The following NOVA1 variants were observed in gnomAD, a reference collection of about 807,000 sequenced individuals.
NOVA1 encodes the protein RNA-binding protein Nova-1.
In NOVA1, 7 loss-of-function variants were observed where a neutral mutation model predicts 38.0. The ratio of observed to expected loss-of-function variants is 0.18; its 90% confidence interval spans 0.10 to 0.35. NOVA1 has a LOEUF of 0.35. Ranked by LOEUF, NOVA1 falls within the 10% of genes least tolerant of loss-of-function variation. The pLI is 1.00. For synonymous variants in NOVA1, 270 were observed against 232.5 expected (o/e 1.16, Z -1.47); for missense variants, 460 against 616.0 (o/e 0.75, Z 2.68).
chr14:26,535,398 G>C (rs1889993375), intron 2 of NOVA1, among the ~76,000 whole-genome samples: 1 of 152,088 alleles, frequency 6.6e-6, no homozygotes. Context: ...TAGAGAAAAA[G>C]AAATGTAGCA....
chr14:26,503,355 G>C (rs969874252), intron 2 of NOVA1, among the ~76,000 whole-genome samples: 1 of 151,970 alleles, frequency 6.6e-6, no homozygotes. Flanking sequence ...GAAAGCCAAA[G>C]GAAGTGGAAG....
chr14:26,464,082 G>A (rs1369450996), intron 4 of NOVA1, among the ~76,000 whole-genome samples: 1 of 152,102 alleles, frequency 6.6e-6, no homozygotes, highest in Non-Finnish European at 1.5e-5. Flanking sequence ...AGATTTGATT[G>A]GAAGCCAGGT....
intron 4 of NOVA1, among the ~76,000 whole-genome samples, chr14:26,458,196 A>T (rs1883339652): frequency 6.6e-6 from 1 of 152,090 alleles, no homozygotes; most frequent in African/African-American, 2.4e-5. Flanking sequence ...GAGAGGTTAC[A>T]GAGAAAAGGG....
At chr14:26,565,247 T>C (rs1332741143) in intron 2 of NOVA1, among the ~76,000 whole-genome samples, 1 of 152,178 alleles carries the variant, frequency 6.6e-6, no homozygotes, top group South Asian at 2.1e-4. Flanking sequence ...TTACCCTTTT[T>C]GAAATACAGG....
intron 2 of NOVA1, among the ~76,000 whole-genome samples, chr14:26,589,539 G>A (rs1450992532): frequency 2.6e-5 from 4 of 151,716 alleles, no homozygotes; most frequent in African/African-American, 9.7e-5. Flanking sequence ...ACTCTGCAAA[G>A]TGTACTTGCC....
intron 2 of NOVA1, among the ~76,000 whole-genome samples, chr14:26,532,021 TAA>T (rs1889752425): frequency 6.6e-6 from 1 of 152,134 alleles, no homozygotes; most frequent in Non-Finnish European, 1.5e-5. Flanking sequence ...TTACAATGGC[TAA>T]AATTTTAAAA....
At chr14:26,493,065 C>A (rs1886475551) in intron 2 of NOVA1, among the ~76,000 whole-genome samples, 1 of 152,168 alleles carries the variant, frequency 6.6e-6, no homozygotes, top group Non-Finnish European at 1.5e-5. Context: ...TGCAACTCAA[C>A]TCATTTGCTA....
chr14:26,597,529 T>TC lies in NOVA1; in HGVS notation c.-94_-93insG. On this transcript the variant is annotated 5_prime_UTR_variant, in exon 1 of 5. Transcript: ENST00000539517. ...TTTCTTTTTTTTTTTTTTTTTTTTT[T>TC]GCGTTTGGGGTTTCTTAAGGTTTTT... The TC allele has an allele frequency of 5.3e-6, 6 of 1,122,428 alleles. No homozygotes were observed. Among genetic ancestry groups the TC allele is most frequent in the Non-Finnish European group, 6.6e-6 (6 of 912,106 alleles). The allele number at this position is 1,122,428 out of a possible 1,614,324, so 69.5% of individuals were successfully genotyped here. A position where few individuals can be genotyped will look rare whatever the true frequency, so the allele number is the denominator to read the frequency against.
intron 2 of NOVA1, among the ~76,000 whole-genome samples, chr14:26,532,099 G>A (rs1889757733): frequency 6.6e-6 from 1 of 152,146 alleles, no homozygotes; most frequent in African/African-American, 2.4e-5. Context: ...ATGAAATAGT[G>A]GCAGGAATGT....
chr14:26,557,311 C>T (rs1248476485), intron 2 of NOVA1, among the ~76,000 whole-genome samples: 5 of 152,104 alleles, frequency 3.3e-5, no homozygotes, highest in Non-Finnish European at 7.4e-5. Flanking sequence ...CTGACATCAC[C>T]ATATGTTGGG....
chr14:26,549,747 G>C, intron 2 of NOVA1: 1 of 1,288,664 alleles, frequency 7.8e-7, no homozygotes, highest in Non-Finnish European at 1.0e-6. Flanking sequence ...CTTCTGTACA[G>C]CACCATGTAC....
intron 2 of NOVA1, among the ~76,000 whole-genome samples, chr14:26,580,079 A>G (rs999404361): frequency 1.3e-5 from 2 of 151,844 alleles, no homozygotes; most frequent in East Asian, 3.9e-4. Flanking sequence ...AATCTTACTA[A>G]CAGCAAAAAA....
chr14:26,472,484 CG>C, intron 3 of NOVA1, 93 bp from the exon 4 acceptor site: 1 of 541,480 alleles, frequency 1.8e-6, no homozygotes, highest in Non-Finnish European at 3.0e-6. Context: ...TGTAATATAA[CG>C]AGAACAAAAT....
At chr14:26,553,279 C>A (rs1891274789) in intron 2 of NOVA1, among the ~76,000 whole-genome samples, 1 of 152,186 alleles carries the variant, frequency 6.6e-6, no homozygotes, top group African/African-American at 2.4e-5. Flanking sequence ...CAAATGAGAG[C>A]CAACTCCACC....
At chr14:26,479,861 T>G (rs972597628) in intron 3 of NOVA1, 116 bp downstream of exon 3, 9 of 1,048,010 alleles carry the variant, frequency 8.6e-6, no homozygotes, top group Non-Finnish European at 8.3e-6. Flanking sequence ...ACAACTCTGG[T>G]ATGTTTTATG....
At chr14:26,449,485 T>G (rs930121637) in intron 4 of NOVA1, among the ~76,000 whole-genome samples, 6 of 152,124 alleles carry the variant, frequency 3.9e-5, no homozygotes, top group Admixed American at 3.3e-4. Flanking sequence ...CCCAGTAATT[T>G]TTTTGTTATT....
At position 26,517,292 on chromosome 14, in the gene NOVA1, C is replaced by T. The variant is rs573546494; in HGVS notation, c.281-37149G>A. ...GTACCTGGCTCTTTTTGCTAGAATG[C>T]TCTTTTCCACCTAACACCATGACTT... is the stretch of plus-strand genomic sequence containing the variant. On this transcript the variant is annotated intron_variant, in intron 2 of 4. Coordinates refer to ENST00000539517, the MANE Select transcript of NOVA1 (RefSeq NM_002515.3). Among the ~76,000 whole-genome samples the T allele has an allele frequency of 7.2e-4, 110 of 152,270 alleles. 1 individual carries two copies. Among genetic ancestry groups the T allele is most frequent in the East Asian group, 4.3e-3 (22 of 5,168 alleles).
chr14:26,454,442 T>C (rs1041166379), intron 4 of NOVA1, among the ~76,000 whole-genome samples: 1 of 152,150 alleles, frequency 6.6e-6, no homozygotes, highest in Admixed American at 6.6e-5. Flanking sequence ...GCATTGCTAG[T>C]GGCTATCTTA....
chr14:26,484,659 T>C lies in NOVA1; in HGVS notation c.281-4516A>G, dbSNP rs557994900. On this transcript the variant is annotated intron_variant, in intron 2 of 4. Coordinates refer to ENST00000539517, the MANE Select transcript of NOVA1 (RefSeq NM_002515.3). ...GAATATACTCCAATATGGCTTTTTT[T>C]CTCCTTGAATCTAGTAGATTCTACA... Among the ~76,000 whole-genome samples the C allele has an allele frequency of 3.9e-5, 6 of 152,236 alleles. No homozygotes were observed. The South Asian group carries it at 6.2e-4, about 16-fold the overall frequency.
Sources: allele counts gnomAD v4.1 joint callset (sites outside exome capture counted in the v4.1 genomes callset), GRCh38; gene constraint gnomAD v4.1.1; transcripts MANE v1.5; gene names NCBI Gene and HGNC (gene_info 2026-07-23, HGNC 2026-07-21).